The following MAGI2 variants were observed in gnomAD, a reference collection of about 807,000 sequenced individuals.
The protein encoded by MAGI2 is membrane-associated guanylate kinase, WW and PDZ domain-containing protein 2.
MAGI2 carries 35 observed loss-of-function variants against 133.3 expected under a neutral mutation model. The ratio of observed to expected loss-of-function variants is 0.26; its 90% CI spans 0.20 to 0.35. The LOEUF is 0.35. Ranked by LOEUF, MAGI2 falls within the 10% of genes least tolerant of loss-of-function variation. MAGI2 has a pLI of 1.00. For synonymous variants in MAGI2, 729 were observed against 710.6 expected (o/e 1.03, Z -0.41); for missense variants, 1,636 against 1,863.4 (o/e 0.88, Z 2.25).
chr7:78,110,155 C>G (rs967958910), intron 20 of MAGI2, among the ~76,000 whole-genome samples: 2 of 152,166 alleles, frequency 1.3e-5, no homozygotes, highest in African/African-American at 4.8e-5. Flanking sequence ...TATTTGAAAA[C>G]AACCTCTTTC....
intron 1 of MAGI2, among the ~76,000 whole-genome samples, chr7:79,158,296 A>G (rs1252338515): frequency 6.6e-6 from 1 of 152,118 alleles, no homozygotes; most frequent in Admixed American, 6.6e-5. Context: ...ACGTTTCACT[A>G]CTAAAAATAC....
At chr7:78,369,076 C>A in intron 7 of MAGI2, 80 bp downstream of exon 7, 1 of 980,444 alleles carries the variant, frequency 1.0e-6, no homozygotes, top group Non-Finnish European at 1.5e-6. Flanking sequence ...GGCTGTGAGC[C>A]ACACATGCTC....
At chr7:79,064,054 T>A (rs1317670209) in intron 1 of MAGI2, among the ~76,000 whole-genome samples, 1 of 152,070 alleles carries the variant, frequency 6.6e-6, no homozygotes, top group Non-Finnish European at 1.5e-5. Context: ...GTTGATACTT[T>A]TGATGAGAAA....
intron 2 of MAGI2, among the ~76,000 whole-genome samples, chr7:78,685,963 T>G (rs1816257485): frequency 1.0e-5 from 1 of 100,374 alleles, no homozygotes; most frequent in South Asian, 3.5e-4. Context: ...TTCTTTTTCT[T>G]TTTTTTCTTT....
intron 1 of MAGI2, among the ~76,000 whole-genome samples, chr7:79,047,239 C>T (rs183299305): frequency 6.6e-6 from 1 of 151,898 alleles, no homozygotes; most frequent in Non-Finnish European, 1.5e-5. Context: ...TCAATCAAAC[C>T]ATTAAAACAT....
At chr7:79,220,667 GC>G (rs766281604) in intron 1 of MAGI2, among the ~76,000 whole-genome samples, 9 of 151,948 alleles carry the variant, frequency 5.9e-5, no homozygotes, top group Non-Finnish European at 1.2e-4. Context: ...AGTCCTGGTG[GC>G]CCCCAAACCA....
chr7:78,412,946 T>C (rs1797994221), intron 6 of MAGI2, among the ~76,000 whole-genome samples: 2 of 152,106 alleles, frequency 1.3e-5, no homozygotes, highest in African/African-American at 4.8e-5. Context: ...CCACCATCTC[T>C]ACTCTCTGTC....
chr7:78,019,294 G>A lies in MAGI2; in HGVS notation c.*21C>T, dbSNP rs778253237. 2 of 1,573,394 alleles carry A rather than the reference G, an allele frequency of 1.3e-6. No individual in the cohort carries two copies. The highest frequency in any genetic ancestry group is 2.3e-5 in the South Asian group (2 of 87,152). The stretch of plus-strand genomic sequence containing the variant: ...AGAACTGCCTGCGCCGGGGCGGGCG[G>A]GTTGGCCGTGGCCGCGCGGCTCATC... On this transcript the variant is annotated 3_prime_UTR_variant, in exon 22 of 22. Transcript: ENST00000354212.
chr7:79,451,237 A>C (rs1849222416), intron 1 of MAGI2, among the ~76,000 whole-genome samples: 1 of 152,228 alleles, frequency 6.6e-6, no homozygotes, highest in Admixed American at 6.5e-5. Context: ...GGACTCTATT[A>C]AGTCCAATTT....
intron 1 of MAGI2, among the ~76,000 whole-genome samples, chr7:79,111,730 G>C (rs1350951346): frequency 6.6e-6 from 1 of 151,944 alleles, no homozygotes; most frequent in Non-Finnish European, 1.5e-5. Flanking sequence ...GTAGTGGCAC[G>C]ATCTCGGCTC....
intron 1 of MAGI2, among the ~76,000 whole-genome samples, chr7:79,293,930 C>A (rs1469747098): frequency 6.6e-6 from 1 of 152,132 alleles, no homozygotes; most frequent in African/African-American, 2.4e-5. Context: ...TGCCTGTAAT[C>A]CCAGAACTTT....
At chr7:78,035,432 G>A (rs1049820825) in intron 21 of MAGI2, among the ~76,000 whole-genome samples, 8 of 142,498 alleles carry the variant, frequency 5.6e-5, no homozygotes, top group African/African-American at 7.8e-5. Context: ...ATGCCATAGC[G>A]GAGATTGGGA....
intron 21 of MAGI2, among the ~76,000 whole-genome samples, chr7:78,069,037 C>T (rs373677443): frequency 3.3e-5 from 5 of 152,082 alleles, no homozygotes; most frequent in African/African-American, 4.8e-5. Context: ...CCAGACTCTC[C>T]GTAATGAGGA....
intron 10 of MAGI2, among the ~76,000 whole-genome samples, chr7:78,205,004 G>C (rs1471908778): frequency 6.6e-6 from 1 of 152,218 alleles, no homozygotes; most frequent in Non-Finnish European, 1.5e-5. Context: ...AGTGAGATGG[G>C]CAGAGAAACA....
chr7:78,333,975 C>G (rs1008530677), intron 9 of MAGI2, among the ~76,000 whole-genome samples: 5 of 152,118 alleles, frequency 3.3e-5, no homozygotes, highest in African/African-American at 9.7e-5. Flanking sequence ...AGAAAAATTA[C>G]ATTTCTCTGA....
intron 1 of MAGI2, among the ~76,000 whole-genome samples, chr7:79,347,065 C>T (rs891414297): frequency 2.0e-5 from 3 of 151,892 alleles, no homozygotes; most frequent in Admixed American, 2.0e-4. Flanking sequence ...CTGCAACAAT[C>T]CTCACCTTTT....
chr7:78,367,546 A>G (rs73367629), intron 7 of MAGI2, among the ~76,000 whole-genome samples: 6,275 of 152,316 alleles, frequency 0.041, 410 homozygotes, highest in African/African-American at 0.14. Context: ...CTAAGCAGTT[A>G]TAACAGAGGC....
chr7:78,047,903 A>G (rs3779330), intron 21 of MAGI2, among the ~76,000 whole-genome samples: 106,570 of 152,176 alleles, frequency 0.7, 38,166 homozygotes, highest in Middle Eastern at 0.8. Flanking sequence ...CCTAAAACCC[A>G]GCTCAGCTCA....
chr7:79,374,195 C>T (rs1415980678), intron 1 of MAGI2, among the ~76,000 whole-genome samples: 1 of 151,846 alleles, frequency 6.6e-6, no homozygotes, highest in African/African-American at 2.4e-5. Context: ...AACCCCAGGA[C>T]CTCAGGATGT....
Sources: gnomAD v4.1 joint callset for allele counts (sites outside exome capture counted in the v4.1 genomes callset) on GRCh38, gnomAD v4.1.1 for gene constraint, MANE v1.5 for transcripts, NCBI Gene and HGNC (gene_info 2026-07-23, HGNC 2026-07-21) for gene names.